IL15: variants seen among roughly 807,000 people sequenced by gnomAD.
IL15 encodes the protein interleukin 15, also known as interleukin-15.
Under a neutral mutation model 19.6 loss-of-function variants are expected in IL15, and 11 were observed. The observed-to-expected ratio is 0.56, with a 90% confidence interval of 0.35 to 0.93. The LOEUF (loss-of-function observed/expected upper bound fraction) is 0.93, where lower values mean the gene tolerates loss of function less well. Ranked by LOEUF, IL15 falls within the 40% of genes least tolerant of loss-of-function variation. The pLI is 0.01. For synonymous variants in IL15, 58 were observed against 59.6 expected, an observed-to-expected ratio of 0.97 and a Z score of 0.12; for missense variants, 197 against 186.5, an observed-to-expected ratio of 1.06 and a Z score of -0.33.
intron 1 of IL15, among the ~76,000 whole-genome samples, chr4:141,640,941 G>T (rs951897991): frequency 6.6e-6 from 1 of 152,196 alleles, no homozygotes; most frequent in Non-Finnish European, 1.5e-5. Context: ...TGGTTGTAAG[G>T]TTGATGGCGG....
intron 2 of IL15, among the ~76,000 whole-genome samples, chr4:141,674,399 A>G (rs1728271908): frequency 6.6e-6 from 1 of 152,168 alleles, no homozygotes; most frequent in African/African-American, 2.4e-5. Context: ...ACAATTTTGC[A>G]GAGAATTTCA....
At chr4:141,651,872 T>A (rs1231183948) in intron 1 of IL15, among the ~76,000 whole-genome samples, 1 of 152,072 alleles carries the variant, frequency 6.6e-6, no homozygotes, top group African/African-American at 2.4e-5. Context: ...TACCCCTTCA[T>A]CTTTCACTCT....
At chr4:141,684,019 T>C (rs1021942527) in intron 2 of IL15, among the ~76,000 whole-genome samples, 1 of 152,172 alleles carries the variant, frequency 6.6e-6, no homozygotes, top group Non-Finnish European at 1.5e-5. Context: ...AATACACTTA[T>C]GGAAGCAACA....
chr4:141,663,719 A>C (rs1727869739), intron 2 of IL15, among the ~76,000 whole-genome samples: 1 of 152,162 alleles, frequency 6.6e-6, no homozygotes, highest in Admixed American at 6.5e-5. Context: ...TTACATGGAA[A>C]GGTCGGGGAA....
intron 2 of IL15, among the ~76,000 whole-genome samples, chr4:141,665,172 G>T (rs1442419694): frequency 6.6e-6 from 1 of 151,940 alleles, no homozygotes; most frequent in Non-Finnish European, 1.5e-5. Flanking sequence ...TTAACTTAGA[G>T]AAATTAATAA....
chr4:141,713,457 A>G (rs1172501942), intron 2 of IL15, among the ~76,000 whole-genome samples: 1 of 152,220 alleles, frequency 6.6e-6, no homozygotes, highest in Non-Finnish European at 1.5e-5. Flanking sequence ...CTCTTACACT[A>G]CAGTGGATGA....
chr4:141,672,893 C>T (rs1390351044), intron 2 of IL15, among the ~76,000 whole-genome samples: 2 of 152,132 alleles, frequency 1.3e-5, no homozygotes, highest in Non-Finnish European at 2.9e-5. Flanking sequence ...ATGAGTGTCT[C>T]CCTACCTGTA....
At chr4:141,657,095 T>C (rs1727634011) in intron 2 of IL15, among the ~76,000 whole-genome samples, 1 of 152,204 alleles carries the variant, frequency 6.6e-6, no homozygotes. Context: ...GTATAGCCAG[T>C]TGGTTCTAAG....
intron 2 of IL15, among the ~76,000 whole-genome samples, chr4:141,667,511 G>C: frequency 6.6e-6 from 1 of 152,070 alleles, no homozygotes; most frequent in Non-Finnish European, 1.5e-5. Context: ...TGTGAGAGTA[G>C]AGAAAAAACT....
At chr4:141,711,302 T>G (rs1273318703) in intron 2 of IL15, among the ~76,000 whole-genome samples, 1 of 152,084 alleles carries the variant, frequency 6.6e-6, no homozygotes, top group African/African-American at 2.4e-5. Context: ...CCAGAAATAC[T>G]TAGCAGTTTG....
At chr4:141,693,572 CA>C (rs1418891488) in intron 2 of IL15, among the ~76,000 whole-genome samples, 3 of 152,080 alleles carry the variant, frequency 2.0e-5, no homozygotes, top group Non-Finnish European at 4.4e-5. Context: ...TCAATTTTTC[CA>C]TGATTGTTTC....
intron 1 of IL15, among the ~76,000 whole-genome samples, chr4:141,644,562 C>T (rs1727157233): frequency 6.6e-6 from 1 of 152,100 alleles, no homozygotes; most frequent in East Asian, 1.9e-4. Context: ...GTAGTTGTAT[C>T]ATTTAACTAA....
At chr4:141,666,662 T>C (rs1332413505) in intron 2 of IL15, among the ~76,000 whole-genome samples, 1 of 149,636 alleles carries the variant, frequency 6.7e-6, no homozygotes, top group Non-Finnish European at 1.5e-5. Context: ...TCCCCCCACT[T>C]TTTTTTTTAA....
rs10006189 is a variant in IL15 at position 141,663,832 on chromosome 4, T to A, written c.-100+7525T>A. 1.8e-3 allele frequency among the ~76,000 whole-genome samples: 275 copies of A among 152,280 alleles called. 1 individual carries two copies. The highest frequency in any genetic ancestry group is 6.1e-3 in the African/African-American group (255 of 41,550). On this transcript the variant is annotated intron_variant, in intron 2 of 7. Coordinates refer to ENST00000320650, the MANE Select transcript of IL15 (RefSeq NM_000585.5). ...AGAGGGCTTCTAGTTTCCGCAGCTC[T>A]CCTTGGGGAAGAATGAGGCTAGGGG...
chr4:141,727,973 A>G lies in IL15; in HGVS notation c.229A>G (p.Ser77Gly). Reference protein sequence around the residue: ...MHIDATLYTESDVHPSCKVTA... With the variant: ...MHIDATLYTEGDVHPSCKVTA... ...TATTGATGCTACTTTATATACGGAA[A>G]GTGATGTTCACGTGAGTATACTTTT... The change falls in exon 6 of 8, where the codon AGT becomes GGT. Residue 77 changes from serine (S) to glycine (G), a missense_variant. Coordinates refer to ENST00000320650, the MANE Select transcript of IL15 (RefSeq NM_000585.5). The G allele has an allele frequency of 7.4e-7, 1 of 1,354,744 alleles. No individual in the cohort carries two copies. The highest frequency in any genetic ancestry group is 1.0e-6 in the Non-Finnish European group (1 of 963,240). The allele number at this position is 1,354,744 out of a possible 1,614,324, so 83.9% of individuals were successfully genotyped here.
At chr4:141,691,048 G>T (rs895524125) in intron 2 of IL15, among the ~76,000 whole-genome samples, 2 of 16,092 alleles carry the variant, frequency 1.2e-4, no homozygotes, top group African/African-American at 8.6e-4. Context: ...CTGATATAAA[G>T]ATACTACCTG....
chr4:141,720,400 G>T, intron 3 of IL15, 69 bp from the exon 4 acceptor site: 1 of 776,992 alleles, frequency 1.3e-6, no homozygotes, highest in South Asian at 1.5e-5. Flanking sequence ...AAAATATGTT[G>T]ACATGTTATT....
chr4:141,681,979 T>C (rs537686422), intron 2 of IL15, among the ~76,000 whole-genome samples: 4 of 152,330 alleles, frequency 2.6e-5, no homozygotes, highest in Admixed American at 6.5e-5. Flanking sequence ...ATAGCTCAGG[T>C]TGAAGTAATT....
At chr4:141,687,681 T>C (rs556416642) in intron 2 of IL15, among the ~76,000 whole-genome samples, 1 of 152,348 alleles carries the variant, frequency 6.6e-6, no homozygotes, top group South Asian at 2.1e-4. Flanking sequence ...ACCCTAGGAA[T>C]TTTGCAGTGA....
Sources: allele counts gnomAD v4.1 joint callset (sites outside exome capture counted in the v4.1 genomes callset), GRCh38; gene constraint gnomAD v4.1.1; transcripts MANE v1.5; gene names NCBI Gene and HGNC (gene_info 2026-07-23, HGNC 2026-07-21).